RAVER2: variants seen among roughly 807,000 people sequenced by gnomAD.
The protein encoded by RAVER2 is ribonucleoprotein PTB-binding 2.
In RAVER2, 46 loss-of-function variants were observed where a neutral mutation model predicts 78.1. That is an observed-to-expected ratio of 0.59 (90% CI 0.46 to 0.75). The LOEUF (loss-of-function observed/expected upper bound fraction) is 0.75, where lower values mean the gene tolerates loss of function less well. Ranked by LOEUF, RAVER2 falls within the 30% of genes least tolerant of loss-of-function variation. The pLI, the probability that RAVER2 is intolerant of heterozygous loss-of-function variation, is 0.00. For missense variants in RAVER2, 793 were observed against 837.5 expected (o/e 0.95, Z 0.66); for synonymous variants, 311 against 313.3 (o/e 0.99, Z 0.08).
intron 1 of RAVER2, among the ~76,000 whole-genome samples, chr1:64,751,199 A>G (rs140582088): frequency 2.0e-5 from 3 of 152,326 alleles, no homozygotes; most frequent in Admixed American, 1.3e-4. Context: ...TTTCACATAG[A>G]AAGAATATAG....
At chr1:64,754,696 T>G (rs1651802521) in intron 1 of RAVER2, among the ~76,000 whole-genome samples, 1 of 152,212 alleles carries the variant, frequency 6.6e-6, no homozygotes. Flanking sequence ...TATGGATCTC[T>G]TATAGCTTAT....
At chr1:64,799,420 CT>C (rs1243604039) in intron 5 of RAVER2, among the ~76,000 whole-genome samples, 1 of 151,964 alleles carries the variant, frequency 6.6e-6, no homozygotes, top group Non-Finnish European at 1.5e-5. Flanking sequence ...ATTTCCTTTT[CT>C]TTGGTTTGTT....
At chr1:64,824,064 T>G (rs964842496) in intron 11 of RAVER2, among the ~76,000 whole-genome samples, 2 of 151,658 alleles carry the variant, frequency 1.3e-5, no homozygotes, top group African/African-American at 4.8e-5. Flanking sequence ...GCCTTGGTCT[T>G]CCAAAGTGCT....
At chr1:64,777,842 C>T (rs1175477712) in exon 3 of RAVER2, 2 of 1,614,114 alleles carry the variant, frequency 1.2e-6, no homozygotes, top group Admixed American at 1.7e-5. Flanking sequence ...AGTGAAGTTA[C>T]TGGCCATTCC....
intron 1 of RAVER2, among the ~76,000 whole-genome samples, chr1:64,767,233 T>G (rs182965691): frequency 6.6e-6 from 1 of 152,208 alleles, no homozygotes; most frequent in East Asian, 1.9e-4. Flanking sequence ...TATCCATTTC[T>G]ATATTACTCA....
chr1:64,761,433 A>G (rs1466823094), intron 1 of RAVER2, among the ~76,000 whole-genome samples: 1 of 152,204 alleles, frequency 6.6e-6, no homozygotes, highest in Non-Finnish European at 1.5e-5. Flanking sequence ...TTGAAATGGA[A>G]GTAAGAGTTT....
intron 11 of RAVER2, among the ~76,000 whole-genome samples, chr1:64,823,694 A>G (rs1653938609): frequency 1.3e-5 from 2 of 152,204 alleles, no homozygotes; most frequent in African/African-American, 4.8e-5. Context: ...TTTAATTAAA[A>G]TAGGTAAAAA....
At chr1:64,770,784 C>T (rs1407486233) in intron 2 of RAVER2, among the ~76,000 whole-genome samples, 1 of 151,794 alleles carries the variant, frequency 6.6e-6, no homozygotes, top group Non-Finnish European at 1.5e-5. Flanking sequence ...ATGAAAATTA[C>T]AACATCTGAC....
exon 12 of RAVER2, chr1:64,831,167 A>G (rs1654118599): frequency 4.0e-6 from 2 of 496,082 alleles, no homozygotes; most frequent in East Asian, 3.4e-5. Flanking sequence ...AGAGACATCA[A>G]TTGAGGACAT....
intron 1 of RAVER2, among the ~76,000 whole-genome samples, chr1:64,757,298 A>T (rs1167523004): frequency 6.6e-6 from 1 of 152,150 alleles, no homozygotes; most frequent in Admixed American, 6.5e-5. Context: ...CTCCAAATTG[A>T]TATGTTGAAG....
At chr1:64,817,826 C>T (rs980713860) in intron 11 of RAVER2, among the ~76,000 whole-genome samples, 1 of 152,028 alleles carries the variant, frequency 6.6e-6, no homozygotes, top group African/African-American at 2.4e-5. Flanking sequence ...GGGTGCAGCA[C>T]ACCAACATGG....
At chr1:64,750,782 A>C (rs562199684) in intron 1 of RAVER2, among the ~76,000 whole-genome samples, 4 of 152,294 alleles carry the variant, frequency 2.6e-5, no homozygotes, top group Admixed American at 2.6e-4. Context: ...TTACCTCCAA[A>C]AGTTACTTTT....
intron 11 of RAVER2, among the ~76,000 whole-genome samples, chr1:64,826,506 C>T (rs1295119864): frequency 1.3e-5 from 2 of 152,140 alleles, no homozygotes; most frequent in Admixed American, 6.5e-5. Flanking sequence ...GAACAGCAAG[C>T]AACCTTTAGG....
intron 5 of RAVER2, among the ~76,000 whole-genome samples, chr1:64,794,504 A>G (rs1653041125): frequency 1.3e-5 from 2 of 151,540 alleles, no homozygotes; most frequent in Admixed American, 1.3e-4. Context: ...TATCCCCACC[A>G]GTACTTGATC....
intron 1 of RAVER2, among the ~76,000 whole-genome samples, chr1:64,766,203 A>G (rs1652171653): frequency 1.3e-5 from 2 of 152,206 alleles, no homozygotes; most frequent in South Asian, 2.1e-4. Flanking sequence ...TCAGATGACA[A>G]AGTGTTTTCA....
At chr1:64,823,861 C>A (rs1332517532) in intron 11 of RAVER2, among the ~76,000 whole-genome samples, 2 of 141,464 alleles carry the variant, frequency 1.4e-5, no homozygotes, top group Non-Finnish European at 3.0e-5. Flanking sequence ...GGCTGGAGGG[C>A]AGTGATGCAA....
intron 1 of RAVER2, among the ~76,000 whole-genome samples, chr1:64,763,631 G>C (rs1652085397): frequency 6.6e-6 from 1 of 152,082 alleles, no homozygotes; most frequent in Non-Finnish European, 1.5e-5. Flanking sequence ...GCCGGACATG[G>C]TGGCTCACGC....
chr1:64,752,550 C>G (rs1651729295), intron 1 of RAVER2, among the ~76,000 whole-genome samples: 1 of 152,152 alleles, frequency 6.6e-6, no homozygotes, highest in Non-Finnish European at 1.5e-5. Flanking sequence ...AGTTGCCTTT[C>G]TTCCTCTTGC....
At chr1:64,805,239 C>A in intron 8 of RAVER2, 134 bp downstream of exon 8, 7 of 783,396 alleles carry the variant, frequency 8.9e-6, no homozygotes, top group Non-Finnish European at 1.4e-5. Flanking sequence ...ATTTTGAGAA[C>A]CCTCTTGGCT....
Sources: allele counts gnomAD v4.1 joint callset (sites outside exome capture counted in the v4.1 genomes callset), GRCh38; gene constraint gnomAD v4.1.1; transcripts MANE v1.5; gene names NCBI Gene and HGNC (gene_info 2026-07-23, HGNC 2026-07-21).